The following DLGAP2 variants were observed in gnomAD, a reference collection of about 807,000 sequenced individuals.
DLGAP2 encodes DLG associated protein 2, also known as disks large-associated protein 2.
DLGAP2 carries 26 observed loss-of-function variants against 100.3 expected under a neutral mutation model. That is an observed-to-expected ratio of 0.26 (90% confidence interval 0.19 to 0.36). The LOEUF is 0.36. Ranked by LOEUF, DLGAP2 falls within the 10% of genes least tolerant of loss-of-function variation. The pLI, the probability that DLGAP2 is intolerant of heterozygous loss-of-function variation, is 1.00. For missense variants in DLGAP2, 1,858 were observed against 1,453.2 expected (o/e 1.28, Z -4.53); for synonymous variants, 886 against 630.1 (o/e 1.41, Z -6.08).
intron 2 of DLGAP2, among the ~76,000 whole-genome samples, chr8:1,170,421 TC>T (rs776825801): frequency 2.0e-5 from 3 of 152,202 alleles, no homozygotes; most frequent in Non-Finnish European, 4.4e-5. Context: ...GAGGATTCCC[TC>T]TTTTTCTGTT....
At position 1,616,421 on chromosome 8, in the gene DLGAP2, G is replaced by GA. The variant is rs369529673; in HGVS notation, c.1443-10312dup. Among the ~76,000 whole-genome samples the GA allele has an allele frequency of 2.6e-5, 4 of 151,972 alleles. No individual in the cohort carries two copies. The East Asian group carries it at 7.7e-4, about 29-fold the overall frequency. On this transcript the variant is annotated intron_variant, in intron 6 of 14. Coordinates refer to ENST00000637795, the MANE Select transcript of DLGAP2 (RefSeq NM_001346810.2). ...TCAGTGAACTCTAAGAAGATAAATA[G>GA]AAAAAAATCATACCTAGCCACAAAA...
chr8:1,321,849 C>T (rs553526322), intron 3 of DLGAP2, among the ~76,000 whole-genome samples: 1 of 152,286 alleles, frequency 6.6e-6, no homozygotes, highest in Non-Finnish European at 1.5e-5. Context: ...ACAAGGGTTC[C>T]TTTCTTTGTT....
At chr8:873,997 G>T (rs1375674459) in intron 1 of DLGAP2, among the ~76,000 whole-genome samples, 6 of 152,030 alleles carry the variant, frequency 3.9e-5, no homozygotes, top group African/African-American at 1.5e-4. Context: ...CTTTGTTAGT[G>T]TAAAATTATT....
chr8:937,165 G>A (rs894659038), intron 2 of DLGAP2, among the ~76,000 whole-genome samples: 2 of 152,190 alleles, frequency 1.3e-5, no homozygotes, highest in African/African-American at 2.4e-5. Flanking sequence ...CGCCTGACGA[G>A]GTGCTGCCTG....
intron 1 of DLGAP2, among the ~76,000 whole-genome samples, chr8:773,424 G>A (rs1821420474): frequency 6.6e-6 from 1 of 151,216 alleles, no homozygotes; most frequent in East Asian, 1.9e-4. Flanking sequence ...GTATACATGT[G>A]CCATGCTGGT....
At chr8:977,089 A>G (rs1478019962) in intron 2 of DLGAP2, among the ~76,000 whole-genome samples, 1 of 152,240 alleles carries the variant, frequency 6.6e-6, no homozygotes, top group African/African-American at 2.4e-5. Flanking sequence ...TGCTTATCCA[A>G]AAATGGTACT....
At chr8:1,561,190 G>A (rs1802145654) in intron 5 of DLGAP2, among the ~76,000 whole-genome samples, 1 of 152,154 alleles carries the variant, frequency 6.6e-6, no homozygotes, top group Admixed American at 6.5e-5. Flanking sequence ...TTCGCCTTCT[G>A]CCATGACTGC....
intron 2 of DLGAP2, among the ~76,000 whole-genome samples, chr8:949,964 A>G (rs1201376511): frequency 6.6e-6 from 1 of 152,166 alleles, no homozygotes; most frequent in Non-Finnish European, 1.5e-5. Flanking sequence ...AGCAGCTTTT[A>G]GTACATTTTC....
chr8:1,501,825 G>A (rs1469059758), intron 4 of DLGAP2, among the ~76,000 whole-genome samples: 1 of 152,144 alleles, frequency 6.6e-6, no homozygotes, highest in Non-Finnish European at 1.5e-5. Flanking sequence ...CTCTCCAGCT[G>A]GCCCCACACA....
At chr8:1,525,058 C>G (rs1466314849) in intron 4 of DLGAP2, among the ~76,000 whole-genome samples, 1 of 152,148 alleles carries the variant, frequency 6.6e-6, no homozygotes, top group Non-Finnish European at 1.5e-5. Context: ...TGTTTTCTTT[C>G]TGTTCAGAAG....
Position 1,267,851 on chromosome 8 carries a change from T to C in DLGAP2, c.106+8968T>C, listed in dbSNP as rs557247468. 2.6e-3 allele frequency among the ~76,000 whole-genome samples: 389 copies of C among 152,154 alleles called. 2 individuals carry two copies. The highest frequency in any genetic ancestry group is 9.0e-3 in the African/African-American group (375 of 41,500). On this transcript the variant is annotated intron_variant, in intron 3 of 14. Coordinates refer to ENST00000637795, the MANE Select transcript of DLGAP2 (RefSeq NM_001346810.2). ...TGGGAATTCTGAGCATGGGAACTGG[T>C]TTTTCCTCCATCACACCCACCCTAG...
chr8:1,311,703 TAAAA>T (rs71190721), intron 3 of DLGAP2, among the ~76,000 whole-genome samples: 5 of 146,870 alleles, frequency 3.4e-5, no homozygotes, highest in African/African-American at 7.5e-5. Flanking sequence ...CTGTTCATGA[TAAAA>T]AAAAAAAACT....
chr8:813,272 A>T (rs1796405096), intron 1 of DLGAP2, among the ~76,000 whole-genome samples: 1 of 152,144 alleles, frequency 6.6e-6, no homozygotes. Context: ...AACGAAAAAA[A>T]AACCAAAATG....
intron 2 of DLGAP2, among the ~76,000 whole-genome samples, chr8:1,025,254 G>A (rs766257969): frequency 2.6e-5 from 4 of 152,048 alleles, no homozygotes; most frequent in African/African-American, 7.2e-5. Flanking sequence ...ACACGGTGCC[G>A]CCCTCTTTCA....
intron 1 of DLGAP2, among the ~76,000 whole-genome samples, chr8:839,032 G>A (rs1364050559): frequency 6.6e-6 from 1 of 152,154 alleles, no homozygotes; most frequent in Non-Finnish European, 1.5e-5. Context: ...TGACCACAGT[G>A]GGATATCACC....
chr8:1,455,872 C>T (rs1206143069), intron 3 of DLGAP2, among the ~76,000 whole-genome samples: 1 of 152,226 alleles, frequency 6.6e-6, no homozygotes, highest in Non-Finnish European at 1.5e-5. Flanking sequence ...GGCGGTCGGT[C>T]TGTCTTGTTC....
rs944132661 is a variant in DLGAP2, at chr8:874,822, C to T, written c.19-33090C>T. On this transcript the variant is annotated intron_variant, in intron 1 of 14. Coordinates refer to ENST00000637795, the MANE Select transcript of DLGAP2 (RefSeq NM_001346810.2). ...ATTAAGAGTGTGGTATTAAAGTCTTCGGCTATTGTTGAACTTGTGTCTTCA... is the reference window on the plus strand; with the variant it reads ...ATTAAGAGTGTGGTATTAAAGTCTTTGGCTATTGTTGAACTTGTGTCTTCA... 1.1e-4 allele frequency among the ~76,000 whole-genome samples: 17 copies of T among 152,090 alleles called. No homozygotes were observed. The South Asian group carries it at 1.5e-3, about 13-fold the overall frequency.
intron 3 of DLGAP2, among the ~76,000 whole-genome samples, chr8:1,278,895 A>G (rs544909374): frequency 6.6e-6 from 1 of 152,324 alleles, no homozygotes; most frequent in South Asian, 2.1e-4. Context: ...TGTTTAGGGG[A>G]TATTTATGCA....
At chr8:1,667,686 A>T (rs1346879363) in intron 8 of DLGAP2, among the ~76,000 whole-genome samples, 2 of 152,200 alleles carry the variant, frequency 1.3e-5, no homozygotes, top group East Asian at 3.8e-4. Context: ...CTCTTCTCAC[A>T]CACAGGTTTC....
Sources: allele counts gnomAD v4.1 joint callset (sites outside exome capture counted in the v4.1 genomes callset), GRCh38; gene constraint gnomAD v4.1.1; transcripts MANE v1.5; gene names NCBI Gene and HGNC (gene_info 2026-07-23, HGNC 2026-07-21).